RPS6KC1: variants seen among roughly 807,000 people sequenced by gnomAD.
The protein encoded by RPS6KC1 is ribosomal protein S6 kinase C1.
A neutral mutation model predicts 103.8 loss-of-function variants in RPS6KC1; 54 were observed. That is an observed-to-expected ratio of 0.52 (90% CI 0.42 to 0.65). The LOEUF is 0.65. Among genes scored for constraint, RPS6KC1 ranks in the 30% least tolerant of loss-of-function variants. The probability of loss-of-function intolerance (pLI) is 0.00; values close to 1 mark genes in which losing one functional copy is unlikely to be tolerated. For synonymous variants in RPS6KC1, 439 were observed against 438.7 expected (o/e 1.00, Z -0.01); for missense variants, 1,151 against 1,253.8 (o/e 0.92, Z 1.24).
the RPS6KC1 span, among the ~76,000 whole-genome samples, chr1:213,773,424 C>CTATATCTATTA: frequency 6.7e-6 from 1 of 148,216 alleles, no homozygotes; most frequent in Admixed American, 6.8e-5. Flanking sequence ...ATCTATATAT[C>CTATATCTATTA]TATATCTATT....
chr1:213,571,546 C>A, the RPS6KC1 span, among the ~76,000 whole-genome samples: 1 of 152,212 alleles, frequency 6.6e-6, no homozygotes, highest in African/African-American at 2.4e-5. Context: ...ATTCCCCAGG[C>A]TCTATGAGGG....
the RPS6KC1 span, among the ~76,000 whole-genome samples, chr1:213,742,132 T>G: frequency 5.3e-5 from 8 of 152,132 alleles, no homozygotes; most frequent in African/African-American, 9.7e-5. Context: ...GCTCCTAGAT[T>G]ATTTGAACCA....
chr1:213,721,258 T>C, the RPS6KC1 span, among the ~76,000 whole-genome samples: 2 of 152,278 alleles, frequency 1.3e-5, no homozygotes, highest in Non-Finnish European at 2.9e-5. Context: ...CTTCAGCATG[T>C]GATGTGGTTT....
chr1:213,255,877 T>C (rs900391625), intron 12 of RPS6KC1, among the ~76,000 whole-genome samples: 1 of 152,224 alleles, frequency 6.6e-6, no homozygotes, highest in African/African-American at 2.4e-5. Flanking sequence ...CAGAACTCTT[T>C]GTCGTAGCTT....
chr1:213,812,388 A>G, the RPS6KC1 span, among the ~76,000 whole-genome samples: 1 of 152,236 alleles, frequency 6.6e-6, no homozygotes, highest in Non-Finnish European at 1.5e-5. Flanking sequence ...TCAGGGTTGT[A>G]TAACAAAAAT....
intron 2 of RPS6KC1, among the ~76,000 whole-genome samples, chr1:213,074,703 TG>T (rs1006270630): frequency 6.6e-6 from 1 of 152,058 alleles, no homozygotes; most frequent in African/African-American, 2.4e-5. Context: ...GATTCTCACC[TG>T]GGGGGTTCTA....
chr1:213,307,060 G>GTTTTT, the RPS6KC1 span, among the ~76,000 whole-genome samples: 4 of 130,474 alleles, frequency 3.1e-5, no homozygotes, highest in African/African-American at 6.0e-5. Flanking sequence ...AAGGATGCAG[G>GTTTTT]TTTTTTTTTT....
chr1:213,639,927 A>G, the RPS6KC1 span, among the ~76,000 whole-genome samples: 1 of 151,766 alleles, frequency 6.6e-6, no homozygotes, highest in South Asian at 2.1e-4. Context: ...TTAGTTGGAA[A>G]GTATTCCTCT....
chr1:213,364,825 G>T, the RPS6KC1 span, among the ~76,000 whole-genome samples: 1 of 152,046 alleles, frequency 6.6e-6, no homozygotes, highest in African/African-American at 2.4e-5. Context: ...AGGCATAGTG[G>T]CGGGCACCTG....
chr1:213,516,994 G>C, the RPS6KC1 span, among the ~76,000 whole-genome samples: 1 of 152,154 alleles, frequency 6.6e-6, no homozygotes, highest in Non-Finnish European at 1.5e-5. Context: ...ATTTCTTCTA[G>C]ATTTTCTAGT....
At chr1:213,316,853 G>A in the RPS6KC1 span, among the ~76,000 whole-genome samples, 14 of 152,156 alleles carry the variant, frequency 9.2e-5, no homozygotes, top group Admixed American at 5.2e-4. Context: ...CACAGGGAGC[G>A]GGGAATGCAA....
chr1:213,817,260 C>T, the RPS6KC1 span, among the ~76,000 whole-genome samples: 18 of 152,342 alleles, frequency 1.2e-4, no homozygotes, highest in African/African-American at 4.3e-4. Context: ...TCCCAGGTCT[C>T]CTTCCGTCCC....
the RPS6KC1 span, among the ~76,000 whole-genome samples, chr1:213,493,494 A>G: frequency 6.6e-6 from 1 of 152,210 alleles, no homozygotes; most frequent in African/African-American, 2.4e-5. Flanking sequence ...ACTGACCATA[A>G]AAAAGGACTG....
intron 10 of RPS6KC1, among the ~76,000 whole-genome samples, chr1:213,237,274 G>T (rs984857290): frequency 6.6e-6 from 1 of 152,076 alleles, no homozygotes; most frequent in Non-Finnish European, 1.5e-5. Context: ...ACCATTACTA[G>T]TGTGACTTTG....
chr1:213,267,221 A>G (rs1032717615), intron 14 of RPS6KC1, among the ~76,000 whole-genome samples: 1 of 151,720 alleles, frequency 6.6e-6, no homozygotes, highest in Non-Finnish European at 1.5e-5. Context: ...TTTGAATACA[A>G]CCTCTGTTCA....
the RPS6KC1 span, among the ~76,000 whole-genome samples, chr1:213,628,955 T>C: frequency 2.6e-5 from 4 of 152,314 alleles, no homozygotes; most frequent in African/African-American, 9.6e-5. Context: ...AGACAGTTTG[T>C]TGTGATTTCT....
At chr1:213,138,999 C>T (rs977814731) in intron 6 of RPS6KC1, among the ~76,000 whole-genome samples, 8 of 152,122 alleles carry the variant, frequency 5.3e-5, no homozygotes, top group East Asian at 1.9e-4. Context: ...ATTTTTTCTG[C>T]GATGTCACTG....
At chr1:213,489,907 A>T in the RPS6KC1 span, among the ~76,000 whole-genome samples, 1 of 152,202 alleles carries the variant, frequency 6.6e-6, no homozygotes, top group Non-Finnish European at 1.5e-5. Flanking sequence ...TTGGGGCCAG[A>T]TGGAGACACT....
At chr1:213,745,856 A>AC in the RPS6KC1 span, among the ~76,000 whole-genome samples, 721 of 152,246 alleles carry the variant, frequency 4.7e-3, 7 homozygotes, top group Non-Finnish European at 5.5e-3. Context: ...TTACACCACC[A>AC]CAAGGAGAGG....
Sources: allele counts gnomAD v4.1 joint callset (sites outside exome capture counted in the v4.1 genomes callset), GRCh38; gene constraint gnomAD v4.1.1; transcripts MANE v1.5; gene names NCBI Gene and HGNC (gene_info 2026-07-23, HGNC 2026-07-21).